CCL26: variants seen among roughly 807,000 people sequenced by gnomAD.
CCL26 encodes the protein C-C motif chemokine 26.
In CCL26, 10 loss-of-function variants were observed where a neutral mutation model predicts 10.7. The ratio of observed to expected loss-of-function variants is 0.93; its 90% CI spans 0.57 to 1.58. CCL26 has a LOEUF of 1.58. Among genes scored for constraint, CCL26 ranks in the 40% most tolerant of loss-of-function variants. CCL26 has a pLI of 0.00. For missense variants in CCL26, 116 were observed against 111.0 expected (o/e 1.05, Z -0.20); for synonymous variants, 43 against 41.4 (o/e 1.04, Z -0.15).
At position 75,787,880 on chromosome 7, in the gene CCL26, G is replaced by A. The variant is rs571251550; in HGVS notation, c.-79+1837C>T. Reference sequence around the variant, plus strand: ...CTCTTATTCGGAACTTGTGTCTTTCGTTTAGTTTCTCAATTCATACAGAAC... The same window carrying A: ...CTCTTATTCGGAACTTGTGTCTTTCATTTAGTTTCTCAATTCATACAGAAC... On this transcript the variant is annotated intron_variant, in intron 1 of 3. Coordinates refer to the CCL26 transcript ENST00000394905. Among the ~76,000 whole-genome samples the A allele has an allele frequency of 7.9e-5, 12 of 151,832 alleles. No homozygotes were observed. The East Asian group carries it at 1.9e-3, about 24-fold the overall frequency.
intron 1 of CCL26, among the ~76,000 whole-genome samples, chr7:75,788,017 G>A (rs1232515727): frequency 3.3e-5 from 5 of 151,928 alleles, no homozygotes; most frequent in African/African-American, 1.2e-4. Flanking sequence ...TCCCACTCTA[G>A]GTTCCCATGC....
chr7:75,790,178 C>CCTTTCCTTCTTT (rs1803297181), upstream of CCL26, among the ~76,000 whole-genome samples: 1 of 44,304 alleles, frequency 2.3e-5, no homozygotes, highest in African/African-American at 1.0e-4. Flanking sequence ...TTCCTTCCTT[C>CCTTTCCTTCTTT]CTTTCTTTCT....
upstream of CCL26, among the ~76,000 whole-genome samples, chr7:75,790,243 C>T (rs1289847127): frequency 2.3e-5 from 3 of 129,660 alleles, no homozygotes; most frequent in African/African-American, 9.2e-5. Context: ...TCCTTCCATC[C>T]TCCCTCCCTC....
upstream of CCL26, chr7:75,790,021 CCTTCCTT>C: frequency 7.9e-6 from 1 of 127,330 alleles, no homozygotes; most frequent in East Asian, 2.7e-4. Context: ...TCCCTCCCTT[CCTTCCTT>C]CCTTCCCTCC....
At chr7:75,774,978 G>A (rs550772309), upstream of CCL26, among the ~76,000 whole-genome samples, 1 of 152,024 alleles carries the variant, frequency 6.6e-6, no homozygotes, top group Non-Finnish European at 1.5e-5. Context: ...CCAGCACTTT[G>A]GTAGGCTGAT....
intron 1 of CCL26, among the ~76,000 whole-genome samples, chr7:75,785,327 T>C (rs782511369): frequency 6.6e-6 from 1 of 152,128 alleles, no homozygotes; most frequent in Non-Finnish European, 1.5e-5. Flanking sequence ...AGCCAAGCTC[T>C]TTCCCATGAT....
At chr7:75,778,013 C>T (rs1182125237) in intron 1 of CCL26, among the ~76,000 whole-genome samples, 1 of 151,978 alleles carries the variant, frequency 6.6e-6, no homozygotes, top group East Asian at 1.9e-4. Flanking sequence ...AGGCACCAAC[C>T]CCAGCCGACA....
At chr7:75,779,672 T>A (rs951760539) in intron 1 of CCL26, among the ~76,000 whole-genome samples, 1 of 152,238 alleles carries the variant, frequency 6.6e-6, no homozygotes, top group Non-Finnish European at 1.5e-5. Context: ...TGGTGTTTAA[T>A]CACGCGGGGA....
upstream of CCL26, chr7:75,789,907 T>C (rs916512724): frequency 6.6e-6 from 1 of 152,118 alleles, no homozygotes; most frequent in Non-Finnish European, 1.5e-5. Context: ...GGGTGGACAA[T>C]GAATTCTTGG....
At chr7:75,785,544 C>T (rs1309441607) in intron 1 of CCL26, among the ~76,000 whole-genome samples, 2 of 152,208 alleles carry the variant, frequency 1.3e-5, no homozygotes, top group African/African-American at 2.4e-5. Flanking sequence ...TAAAAACACA[C>T]GTGCTCTCCC....
chr7:75,771,187 C>T (rs1344060277), intron 2 of CCL26, among the ~76,000 whole-genome samples: 1 of 152,102 alleles, frequency 6.6e-6, no homozygotes, highest in African/African-American at 2.4e-5. Flanking sequence ...TGGGCTCAAG[C>T]GATCGTCTAA....
At chr7:75,772,864 T>C (rs1802860071), upstream of CCL26, among the ~76,000 whole-genome samples, 2 of 152,170 alleles carry the variant, frequency 1.3e-5, no homozygotes, top group South Asian at 4.1e-4. Context: ...GGAAATTAAG[T>C]AATATTCCAG....
At chr7:75,789,068 C>T (rs1036920589) in intron 1 of CCL26, among the ~76,000 whole-genome samples, 3 of 150,274 alleles carry the variant, frequency 2.0e-5, no homozygotes, top group Non-Finnish European at 4.4e-5. Context: ...ACTACAGGTG[C>T]GCACCACCGT....
chr7:75,773,360 G>C (rs1046348878), upstream of CCL26, among the ~76,000 whole-genome samples: 2 of 151,784 alleles, frequency 1.3e-5, no homozygotes, highest in Non-Finnish European at 2.9e-5. Context: ...GGAGGCAGAG[G>C]TTACAGTGAG....
At chr7:75,789,512 G>A (rs1803276855) in intron 1 of CCL26, among the ~76,000 whole-genome samples, 1 of 147,216 alleles carries the variant, frequency 6.8e-6, no homozygotes, top group Admixed American at 6.8e-5. Flanking sequence ...GAAAGTGCTG[G>A]CTGCCTACAG....
At chr7:75,777,304 T>A (rs1468723103) in intron 1 of CCL26, among the ~76,000 whole-genome samples, 1 of 152,164 alleles carries the variant, frequency 6.6e-6, no homozygotes, top group Non-Finnish European at 1.5e-5. Flanking sequence ...AGCAGCATTA[T>A]TTATAATAGC....
At chr7:75,791,289 G>T (rs1554530826), upstream of CCL26, among the ~76,000 whole-genome samples, 3 of 152,126 alleles carry the variant, frequency 2.0e-5, no homozygotes, top group Non-Finnish European at 4.4e-5. Flanking sequence ...CTCCCAAAGG[G>T]CTGGGATTAC....
At chr7:75,780,257 C>T (rs894634613) in intron 1 of CCL26, among the ~76,000 whole-genome samples, 5 of 151,788 alleles carry the variant, frequency 3.3e-5, no homozygotes, top group South Asian at 4.2e-4. Flanking sequence ...CCCTTCTCTC[C>T]GTGTCTCTAC....
At chr7:75,772,703 G>GA (rs760365640), upstream of CCL26, among the ~76,000 whole-genome samples, 23 of 151,494 alleles carry the variant, frequency 1.5e-4, no homozygotes, top group Non-Finnish European at 3.4e-4. Flanking sequence ...ACAAGTGACA[G>GA]ATGGTAGAGA....
Sources: allele counts gnomAD v4.1 joint callset (sites outside exome capture counted in the v4.1 genomes callset), GRCh38; gene constraint gnomAD v4.1.1; transcripts MANE v1.5; gene names NCBI Gene and HGNC (gene_info 2026-07-23, HGNC 2026-07-21).